DOCK3: variants seen among roughly 807,000 people sequenced by gnomAD.
The protein encoded by DOCK3 is dedicator of cytokinesis protein 3.
DOCK3 carries 60 observed loss-of-function variants against 265.6 expected under a neutral mutation model. The observed-to-expected ratio is 0.23, with a 90% CI of 0.18 to 0.28. DOCK3 has a LOEUF of 0.28. Among genes scored for constraint, DOCK3 ranks in the 10% least tolerant of loss-of-function variants. The probability of loss-of-function intolerance (pLI) is 1.00; values close to 1 mark genes in which losing one functional copy is unlikely to be tolerated. For missense variants in DOCK3, 1,981 were observed against 2,594.3 expected (o/e 0.76, Z 5.14); for synonymous variants, 881 against 938.0 (o/e 0.94, Z 1.11).
In DOCK3 at chr3:51,362,580, G is replaced by C. The variant is rs756625839; in HGVS notation, c.5199G>C (p.Leu1733=). 14 of 1,613,970 alleles carry C rather than the reference G, an allele frequency of 8.7e-6. No individual in the cohort carries two copies. The highest frequency in any genetic ancestry group is 1.2e-5 in the Non-Finnish European group (14 of 1,179,872). Residue 1733 remains leucine, a synonymous_variant, in exon 49 of 53, where the codon CTG becomes CTC. Coordinates refer to ENST00000266037, the MANE Select transcript of DOCK3 (RefSeq NM_004947.5). ...YQGSVTNVSV[L]SSSQASPSSS... is the part of the protein sequence containing the mutation. ...GCTCAGTCACCAACGTCTCTGTTCT[G>C]TCCTCGTCCCAGGCAAGCCCTTCTT...
chr3:51,168,417 C>T (rs1359726573), intron 12 of DOCK3, among the ~76,000 whole-genome samples: 1 of 152,156 alleles, frequency 6.6e-6, no homozygotes, highest in Non-Finnish European at 1.5e-5. Flanking sequence ...GAACAGAATA[C>T]AGAGCCCAGA....
intron 5 of DOCK3, among the ~76,000 whole-genome samples, chr3:50,973,583 G>C (rs77521601): frequency 6.8e-6 from 1 of 147,716 alleles, no homozygotes; most frequent in South Asian, 2.2e-4. Context: ...ATTGTGAATA[G>C]TGCCGCAATA....
chr3:51,366,584 G>T (rs1404840324), intron 49 of DOCK3, among the ~76,000 whole-genome samples: 5 of 152,110 alleles, frequency 3.3e-5, no homozygotes, highest in Admixed American at 6.5e-5. Flanking sequence ...TGATGTTAGG[G>T]TGTCAATTTT....
intron 1 of DOCK3, among the ~76,000 whole-genome samples, chr3:50,770,619 A>G (rs1166538154): frequency 1.3e-5 from 2 of 152,144 alleles, no homozygotes; most frequent in African/African-American, 2.4e-5. Context: ...ACCAGGAAAG[A>G]CCCAGAGTAG....
chr3:50,996,223 CTT>C (rs754305815), intron 5 of DOCK3, among the ~76,000 whole-genome samples: 8 of 141,512 alleles, frequency 5.7e-5, no homozygotes, highest in Non-Finnish European at 6.2e-5. Context: ...TTTTTCTTAA[CTT>C]TTTTTTTTTT....
chr3:51,128,087 G>A, intron 9 of DOCK3, among the ~76,000 whole-genome samples: 1 of 152,192 alleles, frequency 6.6e-6, no homozygotes, highest in East Asian at 1.9e-4. Context: ...CTTAACTTCA[G>A]TTTAATGGAA....
At chr3:51,096,161 C>T (rs2082849402) in intron 9 of DOCK3, among the ~76,000 whole-genome samples, 1 of 152,104 alleles carries the variant, frequency 6.6e-6, no homozygotes, top group South Asian at 2.1e-4. Context: ...TCTATATTTC[C>T]TGAATTTGAA....
chr3:51,160,278 T>C (rs538075722), intron 11 of DOCK3, among the ~76,000 whole-genome samples: 5 of 152,392 alleles, frequency 3.3e-5, no homozygotes, highest in African/African-American at 1.2e-4. Flanking sequence ...ATAAAATCAC[T>C]TTTATTCTCA....
intron 1 of DOCK3, among the ~76,000 whole-genome samples, chr3:50,729,507 TTAGG>T (rs1358162220): frequency 2.0e-5 from 3 of 152,014 alleles, no homozygotes; most frequent in Admixed American, 6.6e-5. Context: ...TCATCTAGCA[TTAGG>T]TATATCTCCC....
chr3:51,324,758 C>G (rs2109848776), intron 32 of DOCK3, among the ~76,000 whole-genome samples: 1 of 152,168 alleles, frequency 6.6e-6, no homozygotes, highest in Non-Finnish European at 1.5e-5. Context: ...TCAGAAATAA[C>G]AACATGCATC....
In DOCK3 at chr3:51,330,517, G is replaced by T. The variant is rs1026886066; in HGVS notation, c.3488+294G>T. On this transcript the variant is annotated intron_variant, in intron 33 of 52. Transcript: ENST00000266037. The stretch of plus-strand genomic sequence containing the variant: ...AACATGCACTGCATCTGGATGGGGG[G>T]CAGACGGTTCATGGAGACTCAGTTC... Among the ~76,000 whole-genome samples the T allele has an allele frequency of 2.0e-5, 3 of 152,194 alleles. No homozygotes were observed. In the East Asian group the frequency reaches 5.8e-4, roughly 29 times the overall value.
chr3:50,924,841 A>G (rs1575544948), intron 4 of DOCK3, among the ~76,000 whole-genome samples: 2 of 152,344 alleles, frequency 1.3e-5, no homozygotes, highest in South Asian at 4.1e-4. Context: ...GATTGAATTT[A>G]CAGGACACTG....
rs1484064568 is a variant in DOCK3, at chr3:50,934,130, A to G, written c.315+53A>G. 4.0e-6 allele frequency: 5 copies of G among 1,251,640 alleles called. No homozygotes were observed. The Admixed American group carries it at 9.1e-5, about 23-fold the overall frequency. 77.5% of individuals were successfully genotyped at this position (1,251,640 alleles called of 1,614,324 possible). On this transcript the variant is annotated intron_variant, in intron 5 of 52. Transcript: ENST00000266037. ...ATCATTAAAGTTTAGTGTACCAAGT[A>G]AAAATATTAAACTATGCTAAGTATG...
At chr3:50,766,710 A>C (rs145692731) in intron 1 of DOCK3, among the ~76,000 whole-genome samples, 13,512 of 152,206 alleles carry the variant, frequency 0.089, 1,231 homozygotes, top group East Asian at 0.33. Flanking sequence ...TATCTTCCAC[A>C]ATGGTTGAAC....
At chr3:50,744,484 G>A (rs544524530) in intron 1 of DOCK3, among the ~76,000 whole-genome samples, 1 of 151,122 alleles carries the variant, frequency 6.6e-6, no homozygotes, top group South Asian at 2.1e-4. Context: ...ACCCAGGGTG[G>A]AGTGCAGTGG....
chr3:50,995,872 C>T (rs1321499016), intron 5 of DOCK3, among the ~76,000 whole-genome samples: 1 of 152,120 alleles, frequency 6.6e-6, no homozygotes, highest in Admixed American at 6.5e-5. Context: ...GCCACTTATT[C>T]TGTCATCAAG....
intron 3 of DOCK3, among the ~76,000 whole-genome samples, chr3:50,867,281 CTG>C (rs1367911009): frequency 6.6e-6 from 1 of 152,070 alleles, no homozygotes; most frequent in African/African-American, 2.4e-5. Flanking sequence ...ATTTTGTTGT[CTG>C]TGACTTTACT....
At chr3:51,292,525 A>G (rs751111680) in intron 27 of DOCK3, among the ~76,000 whole-genome samples, 11 of 152,144 alleles carry the variant, frequency 7.2e-5, no homozygotes, top group Non-Finnish European at 1.3e-4. Context: ...TAATACCAGC[A>G]CTTTGGGAGG....
At chr3:51,290,091 T>A (rs1449645933) in intron 27 of DOCK3, among the ~76,000 whole-genome samples, 3 of 152,240 alleles carry the variant, frequency 2.0e-5, no homozygotes, top group Non-Finnish European at 4.4e-5. Flanking sequence ...TTGGTGGGAC[T>A]GTAAACTGGT....
Sources: allele counts gnomAD v4.1 joint callset (sites outside exome capture counted in the v4.1 genomes callset), GRCh38; gene constraint gnomAD v4.1.1; transcripts MANE v1.5; gene names NCBI Gene and HGNC (gene_info 2026-07-23, HGNC 2026-07-21).